TSPAN18: variants seen among roughly 807,000 people sequenced by gnomAD.
TSPAN18 encodes tetraspanin 18.
In TSPAN18, 14 loss-of-function variants were observed where a neutral mutation model predicts 27.3. That is an observed-to-expected ratio of 0.51 (90% CI 0.34 to 0.80). The LOEUF (loss-of-function observed/expected upper bound fraction) is 0.80, where lower values mean the gene tolerates loss of function less well. Among genes scored for constraint, TSPAN18 ranks in the 30% least tolerant of loss-of-function variants. The probability of loss-of-function intolerance (pLI) is 0.01; values close to 1 mark genes in which losing one functional copy is unlikely to be tolerated. For missense variants in TSPAN18, 268 were observed against 323.9 expected (o/e 0.83, Z 1.32); for synonymous variants, 143 against 136.5 (o/e 1.05, Z -0.33).
intron 3 of TSPAN18, among the ~76,000 whole-genome samples, chr11:44,894,243 C>T (rs998837055): frequency 1.3e-5 from 2 of 152,244 alleles, no homozygotes; most frequent in Non-Finnish European, 2.9e-5. Flanking sequence ...GCGTCTGGCT[C>T]AGGCTTATGG....
chr11:44,743,804 A>T (rs1037263412), intron 1 of TSPAN18, among the ~76,000 whole-genome samples: 1 of 152,214 alleles, frequency 6.6e-6, no homozygotes, highest in African/African-American at 2.4e-5. Flanking sequence ...AGAGCTCCAT[A>T]GAAGGAAAAG....
At chr11:44,796,354 T>C (rs1856349918) in intron 2 of TSPAN18, among the ~76,000 whole-genome samples, 1 of 152,126 alleles carries the variant, frequency 6.6e-6, no homozygotes, top group African/African-American at 2.4e-5. Flanking sequence ...TCATGGGAAA[T>C]GGATGGCAGG....
intron 3 of TSPAN18, among the ~76,000 whole-genome samples, chr11:44,867,190 G>A (rs1436001923): frequency 1.3e-5 from 2 of 152,010 alleles, no homozygotes; most frequent in Admixed American, 6.6e-5. Context: ...CACTGAATCA[G>A]AAACTTGAGA....
At chr11:44,867,161 C>T (rs1343522889) in intron 3 of TSPAN18, among the ~76,000 whole-genome samples, 1 of 152,098 alleles carries the variant, frequency 6.6e-6, no homozygotes, top group Non-Finnish European at 1.5e-5. Flanking sequence ...TGCAGATTTT[C>T]AGACCTCCAC....
chr11:44,821,972 T>G (rs1274019586), intron 2 of TSPAN18, among the ~76,000 whole-genome samples: 2 of 152,134 alleles, frequency 1.3e-5, no homozygotes, highest in Non-Finnish European at 2.9e-5. Flanking sequence ...TGGGTCTGCT[T>G]CTGAGGATGG....
intron 2 of TSPAN18, among the ~76,000 whole-genome samples, chr11:44,797,494 G>T (rs577687715): frequency 6.6e-6 from 1 of 152,282 alleles, no homozygotes; most frequent in Admixed American, 6.5e-5. Flanking sequence ...TGATGGCGGG[G>T]TGGGGAGGAG....
intron 1 of TSPAN18, among the ~76,000 whole-genome samples, chr11:44,742,956 C>T (rs1590409330): frequency 6.6e-6 from 1 of 152,328 alleles, no homozygotes; most frequent in Middle Eastern, 3.4e-3. Context: ...GGGGGGCTGG[C>T]ATCTGCTCTC....
chr11:44,788,664 G>T (rs1856119640), intron 2 of TSPAN18, among the ~76,000 whole-genome samples: 1 of 152,134 alleles, frequency 6.6e-6, no homozygotes, highest in African/African-American at 2.4e-5. Flanking sequence ...GGCCAGGATG[G>T]TCTCTGTCTC....
rs139413809 is a variant in TSPAN18, at chr11:44,913,691, G to A, written c.258+3792G>A. ...GAGCAGACATTGCCTATAAGCAGAT[G>A]GGTTAGAAAAGCCTGGAAATGTTCC... On this transcript the variant is annotated intron_variant, in intron 5 of 9. Coordinates refer to ENST00000520358, the MANE Select transcript of TSPAN18 (RefSeq NM_130783.5). Among the ~76,000 whole-genome samples the A allele has an allele frequency of 3.0e-4, 46 of 152,336 alleles. No individual in the cohort carries two copies. In the East Asian group the frequency reaches 7.1e-3, roughly 24 times the overall value.
In TSPAN18 at chr11:44,909,737, C is replaced by G. The variant is rs754707177; in HGVS notation, c.96C>G (p.Ile32Met). 3.1e-6 allele frequency: 5 copies of G among 1,612,908 alleles called. No individual in the cohort carries two copies. In the South Asian group the frequency reaches 5.5e-5, roughly 18 times the overall value. The change falls in exon 5 of 10, where the codon ATC becomes ATG. Residue 32 changes from isoleucine (I) to methionine (M), a missense_variant. Transcript: ENST00000520358. ...GGGCCTGCCTGCTGGCCATCGGCAT[C>G]TGGGTCATGGTGGACCCCACCGGCT... ...LGGACLLAIG[I>M]WVMVDPTGFR...
intron 3 of TSPAN18, among the ~76,000 whole-genome samples, chr11:44,892,975 C>T (rs918706327): frequency 1.3e-5 from 2 of 152,230 alleles, no homozygotes; most frequent in African/African-American, 2.4e-5. Context: ...GTGGGAAGAG[C>T]AGCGGGCTTC....
At chr11:44,902,467 T>G (rs1183805595) in intron 3 of TSPAN18, among the ~76,000 whole-genome samples, 1 of 152,190 alleles carries the variant, frequency 6.6e-6, no homozygotes, top group Non-Finnish European at 1.5e-5. Flanking sequence ...GGGACCGTTC[T>G]GTAGGAAGAG....
intron 2 of TSPAN18, among the ~76,000 whole-genome samples, chr11:44,836,277 G>C (rs187786944): frequency 6.6e-6 from 1 of 152,320 alleles, no homozygotes; most frequent in Non-Finnish European, 1.5e-5. Flanking sequence ...CACAGATGCT[G>C]ATATGGAGAA....
chr11:44,877,850 C>T (rs1410313228), intron 3 of TSPAN18, among the ~76,000 whole-genome samples: 1 of 151,958 alleles, frequency 6.6e-6, no homozygotes, highest in Non-Finnish European at 1.5e-5. Flanking sequence ...GAGACCACGG[C>T]TTTCTACCTT....
chr11:44,803,798 T>C (rs1249836074), intron 2 of TSPAN18, among the ~76,000 whole-genome samples: 1 of 151,960 alleles, frequency 6.6e-6, no homozygotes, highest in Non-Finnish European at 1.5e-5. Context: ...CTAAGAAAAA[T>C]GGTGGGAACT....
Position 44,887,025 on chromosome 11 carries a change from C to G in TSPAN18, c.-10-19382C>G, listed in dbSNP as rs893147433. On this transcript the variant is annotated intron_variant, in intron 3 of 9. Transcript: ENST00000520358. ...GAGTTGTTGGAAGAATTTACTCTTG[C>G]TGTCCTAACCAACTGGGGAGGACTT... is the stretch of plus-strand genomic sequence containing the variant. Among the ~76,000 whole-genome samples, 2 of 152,368 alleles carry G rather than the reference C, an allele frequency of 1.3e-5. 1 individual carries two copies. Among genetic ancestry groups the G allele is most frequent in the Admixed American group, 1.3e-4 (2 of 15,314 alleles).
At chr11:44,744,705 A>C (rs538439788) in intron 1 of TSPAN18, among the ~76,000 whole-genome samples, 1 of 152,344 alleles carries the variant, frequency 6.6e-6, no homozygotes, top group Admixed American at 6.5e-5. Flanking sequence ...AATAAGCCGA[A>C]GAATGGGGTC....
At chr11:44,856,377 G>T (rs1857738875) in intron 2 of TSPAN18, among the ~76,000 whole-genome samples, 1 of 152,128 alleles carries the variant, frequency 6.6e-6, no homozygotes. Flanking sequence ...CTTGGCTCAT[G>T]GTCTTGAATA....
At chr11:44,743,985 C>T (rs918059223) in intron 1 of TSPAN18, among the ~76,000 whole-genome samples, 1 of 151,984 alleles carries the variant, frequency 6.6e-6, no homozygotes, top group Non-Finnish European at 1.5e-5. Context: ...TTTTAATTTC[C>T]AGTATGAGTG....
Sources: allele counts gnomAD v4.1 joint callset (sites outside exome capture counted in the v4.1 genomes callset), GRCh38; gene constraint gnomAD v4.1.1; transcripts MANE v1.5; gene names NCBI Gene and HGNC (gene_info 2026-07-23, HGNC 2026-07-21).